Variants in PRKCH observed in about 807,000 individuals in gnomAD.
PRKCH encodes the protein protein kinase C eta type.
Under a neutral mutation model 82.5 loss-of-function variants are expected in PRKCH, and 28 were observed. That is an observed-to-expected ratio of 0.34 (90% CI 0.25 to 0.47). The LOEUF (loss-of-function observed/expected upper bound fraction) is 0.47, where lower values mean the gene tolerates loss of function less well. Among genes scored for constraint, PRKCH ranks in the 20% least tolerant of loss-of-function variants. PRKCH has a pLI of 1.00. For synonymous variants in PRKCH, 322 were observed against 327.4 expected (o/e 0.98, Z 0.18); for missense variants, 705 against 881.8 (o/e 0.80, Z 2.54).
At chr14:61,199,590 A>G (rs2044464226) in intron 1 of PRKCH, among the ~76,000 whole-genome samples, 1 of 151,200 alleles carries the variant, frequency 6.6e-6, no homozygotes, top group African/African-American at 2.4e-5. Context: ...TAGAGCAGCA[A>G]CTATGCTTGC....
At chr14:61,231,993 C>T (rs563568726) in intron 1 of PRKCH, among the ~76,000 whole-genome samples, 1 of 152,324 alleles carries the variant, frequency 6.6e-6, no homozygotes, top group African/African-American at 2.4e-5. Context: ...CACTCTCTAC[C>T]TGGACACAGC....
intron 10 of PRKCH, among the ~76,000 whole-genome samples, chr14:61,527,175 CTT>C (rs1277349565): frequency 1.3e-5 from 2 of 152,174 alleles, no homozygotes; most frequent in African/African-American, 4.8e-5. Context: ...CTTGAGGACT[CTT>C]TACCAAACAA....
intron 9 of PRKCH, among the ~76,000 whole-genome samples, chr14:61,471,552 T>TA (rs1013037218): frequency 3.6e-4 from 52 of 146,376 alleles, no homozygotes; most frequent in South Asian, 6.5e-4. Flanking sequence ...GTAAGTGACT[T>TA]AAAAAAAAAA....
At chr14:61,192,591 T>C (rs1427499645) in intron 1 of PRKCH, among the ~76,000 whole-genome samples, 1 of 152,222 alleles carries the variant, frequency 6.6e-6, no homozygotes, top group Non-Finnish European at 1.5e-5. Flanking sequence ...ACGGCTGCAG[T>C]GTGGCCAGGT....
At chr14:61,189,769 C>G (rs1265285545) in intron 1 of PRKCH, among the ~76,000 whole-genome samples, 1 of 151,354 alleles carries the variant, frequency 6.6e-6, no homozygotes, top group African/African-American at 2.4e-5. Flanking sequence ...TCTCATCACT[C>G]GCACTCTGCC....
chr14:61,468,174 C>A (rs375701011), intron 9 of PRKCH, among the ~76,000 whole-genome samples: 9 of 152,152 alleles, frequency 5.9e-5, no homozygotes, highest in African/African-American at 1.9e-4. Context: ...CTGTTTGGAA[C>A]CAGGTTTCCC....
intron 1 of PRKCH, among the ~76,000 whole-genome samples, chr14:61,328,160 G>A (rs996178784): frequency 2.0e-5 from 3 of 147,910 alleles, no homozygotes; most frequent in South Asian, 2.1e-4. Flanking sequence ...TGAGGCAGGA[G>A]AATGGCGTGA....
intron 1 of PRKCH, among the ~76,000 whole-genome samples, chr14:61,368,454 C>G (rs989882842): frequency 6.6e-6 from 1 of 152,104 alleles, no homozygotes; most frequent in African/African-American, 2.4e-5. Context: ...TGCCTAATAC[C>G]TGACACAAGG....
chr14:61,245,310 GTCT>G (rs908811109), intron 1 of PRKCH, among the ~76,000 whole-genome samples: 21 of 152,290 alleles, frequency 1.4e-4, no homozygotes, highest in African/African-American at 5.1e-4. Flanking sequence ...TCGGAAAGAG[GTCT>G]TCTGTGACCC....
intron 1 of PRKCH, among the ~76,000 whole-genome samples, chr14:61,189,963 CTCTTTT>C (rs1221015980): frequency 6.6e-6 from 1 of 152,114 alleles, no homozygotes; most frequent in African/African-American, 2.4e-5. Flanking sequence ...CCTTCTCTCT[CTCTTTT>C]TCTTTCTGGG....
intron 1 of PRKCH, among the ~76,000 whole-genome samples, chr14:61,230,656 A>G (rs1821422374): frequency 6.6e-6 from 1 of 152,198 alleles, no homozygotes; most frequent in Admixed American, 6.5e-5. Context: ...AAACACACAC[A>G]TTACAGAGAA....
chr14:61,447,279 C>A (rs1338453529), intron 4 of PRKCH, among the ~76,000 whole-genome samples: 1 of 152,110 alleles, frequency 6.6e-6, no homozygotes, highest in Non-Finnish European at 1.5e-5. Context: ...ATGTACCTAG[C>A]AACAGGAATC....
At chr14:61,427,050 G>T (rs899682036) in intron 2 of PRKCH, among the ~76,000 whole-genome samples, 2 of 152,096 alleles carry the variant, frequency 1.3e-5, no homozygotes, top group Non-Finnish European at 2.9e-5. Flanking sequence ...AGGGTGGTTG[G>T]GTTACAGCTT....
At chr14:61,212,715 C>T (rs1189333734) in intron 1 of PRKCH, among the ~76,000 whole-genome samples, 1 of 152,164 alleles carries the variant, frequency 6.6e-6, no homozygotes, top group African/African-American at 2.4e-5. Context: ...AGGCACTGTG[C>T]TAAGTGCTGA....
At chr14:61,248,791 T>C (rs993010824) in intron 1 of PRKCH, among the ~76,000 whole-genome samples, 5 of 59,298 alleles carry the variant, frequency 8.4e-5, no homozygotes, top group African/African-American at 2.0e-4. Context: ...TATGTATGTA[T>C]GTATGTATGT....
chr14:61,330,508 C>G (rs78025684), intron 1 of PRKCH, among the ~76,000 whole-genome samples: 3,956 of 152,238 alleles, frequency 0.026, 90 homozygotes, highest in East Asian at 0.061. Flanking sequence ...TTTGAACCAT[C>G]AAATACCTTA....
intron 10 of PRKCH, among the ~76,000 whole-genome samples, chr14:61,499,101 A>G (rs538991551): frequency 6.6e-6 from 1 of 152,228 alleles, no homozygotes; most frequent in East Asian, 1.9e-4. Flanking sequence ...TTGGAGCTCT[A>G]TTTTGAGGTG....
At chr14:61,472,487 T>G (rs911113235) in intron 9 of PRKCH, among the ~76,000 whole-genome samples, 1 of 152,218 alleles carries the variant, frequency 6.6e-6, no homozygotes, top group African/African-American at 2.4e-5. Context: ...TGGGAAAACG[T>G]GCTGATAGCA....
At chr14:61,265,192 C>T (rs1031756677) in intron 1 of PRKCH, among the ~76,000 whole-genome samples, 1 of 152,122 alleles carries the variant, frequency 6.6e-6, no homozygotes, top group African/African-American at 2.4e-5. Context: ...CCTCAAGAAA[C>T]CATCCCAGGC....
Sources: allele counts gnomAD v4.1 joint callset (sites outside exome capture counted in the v4.1 genomes callset), GRCh38; gene constraint gnomAD v4.1.1; transcripts MANE v1.5; gene names NCBI Gene and HGNC (gene_info 2026-07-23, HGNC 2026-07-21).